The following FREM1 variants were observed in gnomAD, a reference collection of about 807,000 sequenced individuals.
FREM1 encodes the protein FRAS1 related extracellular matrix 1.
FREM1 carries 220 observed loss-of-function variants against 210.1 expected under a neutral mutation model. The ratio of observed to expected loss-of-function variants is 1.05; its 90% CI spans 0.94 to 1.17. FREM1 has a LOEUF of 1.17. FREM1 is among the 50% of genes most tolerant of loss of function. The pLI, the probability that FREM1 is intolerant of heterozygous loss-of-function variation, is 0.00. For missense variants in FREM1, 3,454 were observed against 2,675.5 expected (o/e 1.29, Z -6.42); for synonymous variants, 1,189 against 980.2 (o/e 1.21, Z -3.98).
intron 7 of FREM1, among the ~76,000 whole-genome samples, chr9:14,847,769 G>A (rs868466772): frequency 2.4e-4 from 37 of 152,232 alleles, no homozygotes; most frequent in Middle Eastern, 6.8e-3. Context: ...GGGTGTCACC[G>A]ATCACACATA....
intron 24 of FREM1, among the ~76,000 whole-genome samples, chr9:14,780,942 C>A (rs1849561659): frequency 6.6e-6 from 1 of 152,184 alleles, no homozygotes; most frequent in Non-Finnish European, 1.5e-5. Flanking sequence ...AAATTTGGGT[C>A]TTGGGCAGAC....
intron 21 of FREM1, among the ~76,000 whole-genome samples, chr9:14,793,254 G>A (rs148318502): frequency 2.6e-4 from 39 of 152,348 alleles, no homozygotes; most frequent in African/African-American, 9.4e-4. Flanking sequence ...AGGTATGAGT[G>A]TTCTAATTTT....
intron 1 of FREM1, among the ~76,000 whole-genome samples, chr9:14,885,784 A>G (rs1466362451): frequency 6.6e-6 from 1 of 152,230 alleles, no homozygotes; most frequent in African/African-American, 2.4e-5. Flanking sequence ...TGATATACAT[A>G]TACAATGTGA....
chr9:14,795,456 G>A (rs1382695947), intron 21 of FREM1, among the ~76,000 whole-genome samples: 1 of 152,142 alleles, frequency 6.6e-6, no homozygotes, highest in Non-Finnish European at 1.5e-5. Flanking sequence ...GATACTGGAG[G>A]AAAAAATAAT....
Position 14,769,857 on chromosome 9 carries a change from G to T in FREM1, c.5071C>A (p.His1691Asn), listed in dbSNP as rs1304650233. The T allele has an allele frequency of 2.0e-6, 3 of 1,496,824 alleles. No homozygotes were observed. Among genetic ancestry groups the T allele is most frequent in the Non-Finnish European group, 2.7e-6 (3 of 1,101,900 alleles). 92.7% of individuals were successfully genotyped at this position (1,496,824 alleles called of 1,614,324 possible). Residue 1691 changes from histidine to asparagine, a missense_variant, in exon 27 of 37, where the codon CAT becomes AAT. Physicochemically the swap from His to Asn is moderately conservative, Grantham distance 68. Coordinates refer to ENST00000380880, the MANE Select transcript of FREM1 (RefSeq NM_001379081.2). Reference protein sequence around the residue: ...LENTTTGEFIHEKFSQKDLNS... With the variant: ...LENTTTGEFINEKFSQKDLNS... Reference sequence around the variant, plus strand: ...AAGTCCTTTTGGCTAAATTTCTCATGGATAAATTCACCTAAAAAAAGAAAT... The same window carrying T: ...AAGTCCTTTTGGCTAAATTTCTCATTGATAAATTCACCTAAAAAAAGAAAT...
intron 1 of FREM1, among the ~76,000 whole-genome samples, chr9:14,895,926 A>G (rs1056854708): frequency 6.6e-6 from 1 of 152,098 alleles, no homozygotes; most frequent in Non-Finnish European, 1.5e-5. Flanking sequence ...GGGAGGGGGG[A>G]AATGTCAGAG....
rs561673388 is a variant in FREM1, at chr9:14,815,689, C to T, written c.2640+1089G>A. ...TTGAGTCAGAGTCTCGCTCTGTTGCCCAGGCTGGAGTGCAGTGGCATGATC... is the reference window on the plus strand; with the variant it reads ...TTGAGTCAGAGTCTCGCTCTGTTGCTCAGGCTGGAGTGCAGTGGCATGATC... On this transcript the variant is annotated intron_variant, in intron 15 of 36. Transcript: ENST00000380880. 2.0e-5 allele frequency among the ~76,000 whole-genome samples: 3 copies of T among 152,188 alleles called. No individual in the cohort carries two copies. The East Asian group carries it at 5.8e-4, about 29-fold the overall frequency.
chr9:14,865,019 G>A (rs977351621), intron 2 of FREM1, among the ~76,000 whole-genome samples: 7 of 152,220 alleles, frequency 4.6e-5, no homozygotes, highest in African/African-American at 1.2e-4. Flanking sequence ...TATAAAAGGC[G>A]ACAACCATAA....
chr9:14,761,681 T>C (rs562703822), intron 27 of FREM1, among the ~76,000 whole-genome samples: 17 of 152,310 alleles, frequency 1.1e-4, no homozygotes, highest in Admixed American at 9.1e-4. Flanking sequence ...TTCTGAGTAG[T>C]GTGATGAAAT....
intron 10 of FREM1, among the ~76,000 whole-genome samples, chr9:14,835,973 A>G (rs1322612685): frequency 1.3e-5 from 2 of 152,208 alleles, no homozygotes; most frequent in Non-Finnish European, 2.9e-5. Flanking sequence ...GCTTGGAAAA[A>G]AGAAAAAAGG....
At chr9:14,859,774 T>A (rs1371283414) in intron 3 of FREM1, among the ~76,000 whole-genome samples, 2 of 152,096 alleles carry the variant, frequency 1.3e-5, no homozygotes, top group Non-Finnish European at 1.5e-5. Flanking sequence ...GATCTCAGAG[T>A]CTCACTTCTA....
chr9:14,825,547 G>GTGTGTGTATATA, intron 10 of FREM1, among the ~76,000 whole-genome samples: 772 of 75,854 alleles, frequency 0.01, 21 homozygotes, highest in South Asian at 0.032. Flanking sequence ...GTGTGTGTGT[G>GTGTGTGTATATA]TATATATATA....
intron 2 of FREM1, among the ~76,000 whole-genome samples, chr9:14,864,990 T>A (rs1831246844): frequency 6.6e-6 from 1 of 152,226 alleles, no homozygotes; most frequent in Admixed American, 6.5e-5. Flanking sequence ...GTTTTATGTT[T>A]CATAATATGT....
At chr9:14,831,885 A>G (rs1362412341) in intron 10 of FREM1, among the ~76,000 whole-genome samples, 5 of 152,230 alleles carry the variant, frequency 3.3e-5, no homozygotes, top group Non-Finnish European at 5.9e-5. Context: ...CATGTGCGGC[A>G]CATTTAAGCG....
At chr9:14,777,144 G>C (rs975398255) in intron 24 of FREM1, among the ~76,000 whole-genome samples, 1 of 152,136 alleles carries the variant, frequency 6.6e-6, no homozygotes, top group Non-Finnish European at 1.5e-5. Flanking sequence ...ACTATAAAAA[G>C]AAAGCTGAAA....
At position 14,747,871 on chromosome 9, in the gene FREM1, T is replaced by C. The variant is rs112910368; in HGVS notation, c.5797-143A>G. 3.5e-3 allele frequency: 1,810 copies of C among 511,384 alleles called. 31 individuals are homozygous for C. The highest frequency in any genetic ancestry group is 0.033 in the African/African-American group (1,639 of 49,800). 31.7% of individuals were successfully genotyped at this position (511,384 alleles called of 1,614,324 possible). ...CTTAAGATTTCCCACGCCCAAATCATTGGAATTTCAAAAATCACTAGGCCT... is the reference window on the plus strand; with the variant it reads ...CTTAAGATTTCCCACGCCCAAATCACTGGAATTTCAAAAATCACTAGGCCT... On this transcript the variant is annotated intron_variant, in intron 31 of 36. Transcript: ENST00000380880.
At chr9:14,845,901 C>G (rs1473429546) in intron 8 of FREM1, 59 bp downstream of exon 8, 73 of 1,570,292 alleles carry the variant, frequency 4.6e-5, no homozygotes, top group Non-Finnish European at 7.0e-6. Flanking sequence ...TTAAATATAT[C>G]TACTTTTGAA....
chr9:14,815,461 C>A (rs1405134490), intron 15 of FREM1, among the ~76,000 whole-genome samples: 1 of 152,114 alleles, frequency 6.6e-6, no homozygotes, highest in South Asian at 2.1e-4. Flanking sequence ...AAAATTCCAA[C>A]AGAAAGAAAA....
At chr9:14,744,615 G>T (rs1425874492) in intron 35 of FREM1, among the ~76,000 whole-genome samples, 1 of 151,806 alleles carries the variant, frequency 6.6e-6, no homozygotes, top group East Asian at 1.9e-4. Flanking sequence ...TTATTCTCTT[G>T]CTGATGGAGA....
Sources: allele counts gnomAD v4.1 joint callset (sites outside exome capture counted in the v4.1 genomes callset), GRCh38; gene constraint gnomAD v4.1.1; transcripts MANE v1.5; gene names NCBI Gene and HGNC (gene_info 2026-07-23, HGNC 2026-07-21).